The following DAG1 variants were observed in gnomAD, a reference collection of about 807,000 sequenced individuals.
The protein encoded by DAG1 is dystroglycan 1 (dystrophin-associated glycoprotein 1).
In DAG1, 8 loss-of-function variants were observed where a neutral mutation model predicts 46.1. The observed-to-expected ratio is 0.17, with a 90% confidence interval of 0.10 to 0.31. DAG1 has a LOEUF of 0.31. Ranked by LOEUF, DAG1 falls within the 10% of genes least tolerant of loss-of-function variation. The pLI, the probability that DAG1 is intolerant of heterozygous loss-of-function variation, is 1.00. For synonymous variants in DAG1, 495 were observed against 481.8 expected, an observed-to-expected ratio of 1.03 and a Z score of -0.36; for missense variants, 1,003 against 1,189.9, an observed-to-expected ratio of 0.84 and a Z score of 2.31.
intron 1 of DAG1, among the ~76,000 whole-genome samples, chr3:49,472,322 C>T (rs1281823180): frequency 1.3e-5 from 2 of 151,990 alleles, no homozygotes; most frequent in Non-Finnish European, 2.9e-5. Flanking sequence ...GGAGGAGCTA[C>T]ATTCTGGAAT....
intron 2 of DAG1, among the ~76,000 whole-genome samples, chr3:49,519,079 C>G (rs1021961914): frequency 1.3e-5 from 2 of 152,164 alleles, no homozygotes; most frequent in Admixed American, 1.3e-4. Flanking sequence ...GGATCCTGGC[C>G]TGTCCTGGGC....
intron 1 of DAG1, among the ~76,000 whole-genome samples, chr3:49,479,056 C>T (rs1190811130): frequency 6.6e-6 from 1 of 151,978 alleles, no homozygotes; most frequent in Non-Finnish European, 1.5e-5. Flanking sequence ...ATCCTCCCAC[C>T]TCAGCCTCCC....
At chr3:49,484,728 T>C (rs2049974691) in intron 1 of DAG1, among the ~76,000 whole-genome samples, 1 of 151,792 alleles carries the variant, frequency 6.6e-6, no homozygotes, top group South Asian at 2.1e-4. Flanking sequence ...AGGCTTACTG[T>C]GGTCTCTGTG....
chr3:49,497,598 T>G (rs1196648160), intron 1 of DAG1, among the ~76,000 whole-genome samples: 1 of 151,988 alleles, frequency 6.6e-6, no homozygotes, highest in Non-Finnish European at 1.5e-5. Flanking sequence ...GGGGATAGAT[T>G]GAGAGACTGT....
chr3:49,486,846 G>A (rs2107219623), intron 1 of DAG1, among the ~76,000 whole-genome samples: 1 of 152,290 alleles, frequency 6.6e-6, no homozygotes, highest in Admixed American at 6.5e-5. Flanking sequence ...ATATACCTAA[G>A]AGTGAACTGT....
Position 49,532,824 on chromosome 3 carries a change from C to T in DAG1, c.2313C>T (p.Ala771=), listed in dbSNP as rs764289801. The T allele has an allele frequency of 4.0e-5, 64 of 1,613,974 alleles. No individual in the cohort carries two copies. The highest frequency in any genetic ancestry group is 4.9e-5 in the Non-Finnish European group (58 of 1,180,020). The change falls in exon 3 of 3, where the codon GCC becomes GCT. Residue 771 remains alanine, a synonymous_variant. Coordinates refer to ENST00000308775, the MANE Select transcript of DAG1 (RefSeq NM_004393.6). This position sits in a 1 kb window ranked among gnomAD's most constrained non-coding sequence, Gnocchi z 5.4. The part of the protein sequence containing the change: ...AAILLIAGII[A]MICYRKKRKG... ...TCCTGCTCATTGCTGGCATCATTGCCATGATCTGCTACCGCAAGAAGCGGA... is the reference window on the plus strand; with the variant it reads ...TCCTGCTCATTGCTGGCATCATTGCTATGATCTGCTACCGCAAGAAGCGGA...
intron 2 of DAG1, among the ~76,000 whole-genome samples, chr3:49,529,815 TTCC>T (rs902935518): frequency 6.6e-6 from 1 of 152,220 alleles, no homozygotes; most frequent in African/African-American, 2.4e-5. Context: ...AAGTCATATT[TTCC>T]TCTTGTCAGC....
intron 1 of DAG1, among the ~76,000 whole-genome samples, chr3:49,499,756 T>C (rs571384020): frequency 2.0e-5 from 3 of 152,252 alleles, no homozygotes; most frequent in African/African-American, 7.2e-5. Flanking sequence ...GTGGTGGTGA[T>C]GGGAGGGGCC....
intron 1 of DAG1, among the ~76,000 whole-genome samples, chr3:49,490,207 C>T (rs753613041): frequency 5.3e-5 from 8 of 151,888 alleles, no homozygotes; most frequent in Non-Finnish European, 1.0e-4. Flanking sequence ...GAAAAAATTA[C>T]TGAGGTGTGG....
intron 1 of DAG1, among the ~76,000 whole-genome samples, chr3:49,486,011 G>C (rs1215065933): frequency 6.6e-6 from 1 of 151,866 alleles, no homozygotes; most frequent in African/African-American, 2.4e-5. Context: ...TTTAGGAGGA[G>C]AATGTAAGGA....
chr3:49,489,816 G>C (rs1381860400), intron 1 of DAG1, among the ~76,000 whole-genome samples: 1 of 152,084 alleles, frequency 6.6e-6, no homozygotes, highest in Non-Finnish European at 1.5e-5. Flanking sequence ...GGGACCTGGT[G>C]GGGTATGTGT....
intron 1 of DAG1, among the ~76,000 whole-genome samples, chr3:49,497,019 G>A (rs1292743579): frequency 2.0e-5 from 3 of 151,746 alleles, no homozygotes; most frequent in Non-Finnish European, 4.4e-5. Context: ...TTTTTTAGGG[G>A]CTGGCTGTAG....
chr3:49,478,431 C>CAAA (rs35324265), intron 1 of DAG1, among the ~76,000 whole-genome samples: 1,910 of 63,246 alleles, frequency 0.03, 223 homozygotes, highest in Middle Eastern at 0.052. Context: ...CCTGTCTCTA[C>CAAA]AAAAAATAAA....
rs6783003 is a variant in DAG1 at position 49,487,345 on chromosome 3, G to C, written c.-117+16912G>C. The C allele has an allele frequency of 0.2, 30,038 of 152,236 alleles. 3,370 individuals are homozygous for C. The highest frequency in any genetic ancestry group is 0.28 in the Middle Eastern group (82 of 294). 9.4% of individuals were successfully genotyped at this position (152,236 alleles called of 1,614,324 possible). A position where few individuals can be genotyped will look rare whatever the true frequency, so the allele number is the denominator to read the frequency against. On this transcript the variant is annotated intron_variant, in intron 1 of 2. Transcript: ENST00000308775. The stretch of plus-strand genomic sequence containing the variant: ...AAGACCCTGGAGGGTGCAAGCTACA[G>C]AACAGCTGGGCTCCTGCATTCCTCC...
chr3:49,532,411 G>A lies in DAG1; in HGVS notation c.1900G>A (p.Ala634Thr), dbSNP rs752615739. 3.1e-6 allele frequency: 5 copies of A among 1,614,208 alleles called. No individual in the cohort carries two copies. In the East Asian group the frequency reaches 8.9e-5, roughly 29 times the overall value. The change falls in exon 3 of 3, where the codon GCC becomes ACC. Residue 634 changes from alanine to threonine, a missense_variant. This residue lies in a region of DAG1 where 755 missense variants were observed against 854.1 expected (regional missense o/e 0.88). Transcript: ENST00000308775. This position sits in a 1 kb window ranked among gnomAD's most constrained non-coding sequence, Gnocchi z 5.4. Reference protein sequence around the residue: ...HKKIALVKKLAFAFGDRNCST... With the variant: ...HKKIALVKKLTFAFGDRNCST... ...GAAGATTGCCTTGGTAAAGAAACTG[G>A]CCTTCGCCTTTGGAGACCGAAACTG...
chr3:49,533,163 C>T lies in DAG1; in HGVS notation c.2652C>T (p.Thr884=). The T allele has an allele frequency of 6.2e-7, 1 of 1,614,008 alleles. No individual in the cohort carries two copies. The highest frequency in any genetic ancestry group is 8.5e-7 in the Non-Finnish European group (1 of 1,180,030). The change falls in exon 3 of 3, where the codon ACC becomes ACT. Residue 884 remains threonine, a synonymous_variant. Transcript: ENST00000308775. ...EGKGSRPKNM[T]PYRSPPPYVP... Reference sequence around the variant, plus strand: ...AGGGCTCCCGTCCCAAGAACATGACCCCATACCGGTCACCTCCTCCCTATG... The same window carrying T: ...AGGGCTCCCGTCCCAAGAACATGACTCCATACCGGTCACCTCCTCCCTATG...
At chr3:49,526,814 G>C (rs2107843015) in intron 2 of DAG1, among the ~76,000 whole-genome samples, 1 of 152,320 alleles carries the variant, frequency 6.6e-6, no homozygotes, top group East Asian at 1.9e-4. Context: ...CTCCCAATTT[G>C]AAATTGAGCA....
intron 2 of DAG1, among the ~76,000 whole-genome samples, chr3:49,522,849 G>C (rs1205516838): frequency 6.6e-6 from 1 of 152,140 alleles, no homozygotes; most frequent in African/African-American, 2.4e-5. Flanking sequence ...CTTAAATCAG[G>C]CTTTCTTGGG....
rs1157112101 is a variant in DAG1 at position 49,531,876 on chromosome 3, A to G, written c.1365A>G (p.Thr455=). The part of the protein sequence containing the change: ...TTRRPTKKPR[T]PRPVPRVTTK... ...GCAGGCCAACCAAGAAACCACGGAC[A>G]CCCCGGCCAGTGCCCCGGGTCACCA... Residue 455 remains threonine, a synonymous_variant, in exon 3 of 3, where the codon ACA becomes ACG. Transcript: ENST00000308775. The surrounding 1 kb of genome is among the most constrained non-coding windows in gnomAD (Gnocchi z 7.0). 6.2e-7 allele frequency: 1 copy of G among 1,613,714 alleles called. No individual in the cohort carries two copies. The highest frequency in any genetic ancestry group is 1.7e-5 in the Admixed American group (1 of 59,980).
Sources: gnomAD v4.1 joint callset for allele counts (sites outside exome capture counted in the v4.1 genomes callset) on GRCh38, gnomAD v4.1.1 for gene constraint, gnomAD v4.1.1 regional missense constraint, Gnocchi (gnomAD v3.1) non-coding constraint, MANE v1.5 for transcripts, NCBI Gene and HGNC (gene_info 2026-07-23, HGNC 2026-07-21) for gene names.